FAF1: variants seen among roughly 807,000 people sequenced by gnomAD.
The protein encoded by FAF1 is FAS-associated factor 1.
A neutral mutation model predicts 92.5 loss-of-function variants in FAF1; 25 were observed. That is an observed-to-expected ratio of 0.27 (90% confidence interval 0.20 to 0.38). The LOEUF (loss-of-function observed/expected upper bound fraction) is 0.38, where lower values mean the gene tolerates loss of function less well. Ranked by LOEUF, FAF1 falls within the 10% of genes least tolerant of loss-of-function variation. The pLI, the probability that FAF1 is intolerant of heterozygous loss-of-function variation, is 1.00. For missense variants in FAF1, 636 were observed against 793.3 expected (o/e 0.80, Z 2.38); for synonymous variants, 234 against 273.2 (o/e 0.86, Z 1.42).
rs1646159991 is a variant in FAF1 at position 50,440,900 on chromosome 1, G to A, written c.*540C>T. 6.6e-6 allele frequency: 1 copy of A among 152,188 alleles called. No individual in the cohort carries two copies. The highest frequency in any genetic ancestry group is 1.5e-5 in the Non-Finnish European group (1 of 68,044). The allele number at this position is 152,188 out of a possible 1,614,324, so 9.4% of individuals were successfully genotyped here. A position where few individuals can be genotyped will look rare whatever the true frequency, so the allele number is the denominator to read the frequency against. ...AAACAAAACCTGACATCTTAGTAAAGCCATCAGAAAGTTCTAACAAAAATG... is the reference window on the plus strand; with the variant it reads ...AAACAAAACCTGACATCTTAGTAAAACCATCAGAAAGTTCTAACAAAAATG... On this transcript the variant is annotated 3_prime_UTR_variant, in exon 19 of 19. Coordinates refer to ENST00000396153, the MANE Select transcript of FAF1 (RefSeq NM_007051.3).
intron 7 of FAF1, among the ~76,000 whole-genome samples, chr1:50,696,315 T>G (rs1657223498): frequency 6.6e-6 from 1 of 152,294 alleles, no homozygotes; most frequent in African/African-American, 2.4e-5. Context: ...ATACAGTCTT[T>G]CCTTGTTTTG....
intron 8 of FAF1, among the ~76,000 whole-genome samples, chr1:50,616,951 G>A (rs1380225652): frequency 1.3e-5 from 2 of 152,094 alleles, no homozygotes; most frequent in Non-Finnish European, 2.9e-5. Flanking sequence ...AAAGTGCTAG[G>A]ATTACAGGCA....
At chr1:50,761,476 A>C (rs1660324708) in intron 4 of FAF1, among the ~76,000 whole-genome samples, 1 of 152,148 alleles carries the variant, frequency 6.6e-6, no homozygotes, top group African/African-American at 2.4e-5. Context: ...AGCACATCAA[A>C]AAGCTTATCC....
chr1:50,896,269 A>C (rs1644757094), intron 1 of FAF1, among the ~76,000 whole-genome samples: 1 of 152,116 alleles, frequency 6.6e-6, no homozygotes, highest in Non-Finnish European at 1.5e-5. Context: ...TGGATGATAG[A>C]GTGAGACCCT....
At chr1:50,820,808 T>C (rs1644036310) in intron 2 of FAF1, among the ~76,000 whole-genome samples, 1 of 151,852 alleles carries the variant, frequency 6.6e-6, no homozygotes, top group African/African-American at 2.4e-5. Flanking sequence ...TTCCATTTTG[T>C]ATTTGGCAGG....
At chr1:50,887,331 G>A (rs904099431) in intron 1 of FAF1, among the ~76,000 whole-genome samples, 1 of 152,166 alleles carries the variant, frequency 6.6e-6, no homozygotes, top group Non-Finnish European at 1.5e-5. Flanking sequence ...TAGGTTGCCT[G>A]TTCACTCTGA....
Position 50,950,997 on chromosome 1 carries a change from G to A in FAF1, c.45+8770C>T, listed in dbSNP as rs76961778. On this transcript the variant is annotated intron_variant, in intron 1 of 18. Coordinates refer to ENST00000396153, the MANE Select transcript of FAF1 (RefSeq NM_007051.3). ...TGAAATCCCAGCACTTTGGGAGGCC[G>A]AGGCGGGCAGACCACTTGAGGTCAG... Among the ~76,000 whole-genome samples, 11 of 152,344 alleles carry A rather than the reference G, an allele frequency of 7.2e-5. No homozygotes were observed. In the East Asian group the frequency reaches 9.6e-4, roughly 13 times the overall value.
intron 12 of FAF1, among the ~76,000 whole-genome samples, chr1:50,573,666 TCAGCTACTG>T (rs1214829109): frequency 6.6e-6 from 1 of 151,428 alleles, no homozygotes; most frequent in Non-Finnish European, 1.5e-5. Context: ...AAAGAAAAAG[TCAGCTACTG>T]AAGATGAGGA....
intron 3 of FAF1, among the ~76,000 whole-genome samples, chr1:50,797,568 A>C (rs1282098420): frequency 6.6e-6 from 1 of 152,022 alleles, no homozygotes; most frequent in African/African-American, 2.4e-5. Context: ...GTGTGGTGGC[A>C]AGCGCCTACA....
intron 8 of FAF1, among the ~76,000 whole-genome samples, chr1:50,618,340 C>T (rs539752863): frequency 3.3e-5 from 5 of 151,162 alleles, no homozygotes; most frequent in Non-Finnish European, 7.4e-5. Flanking sequence ...GTAATTTTCG[C>T]TAATACTGGT....
intron 4 of FAF1, among the ~76,000 whole-genome samples, chr1:50,767,233 C>T (rs1039797455): frequency 1.3e-5 from 2 of 152,108 alleles, no homozygotes; most frequent in African/African-American, 4.8e-5. Context: ...AGCTCAAACA[C>T]TGGTTCCCCA....
At chr1:50,564,597 A>T (rs1180379470) in intron 13 of FAF1, among the ~76,000 whole-genome samples, 1 of 152,112 alleles carries the variant, frequency 6.6e-6, no homozygotes, top group African/African-American at 2.4e-5. Flanking sequence ...AGGTTTTGTT[A>T]CTCAAAGTTA....
chr1:50,774,989 C>T (rs1660903807), intron 4 of FAF1, among the ~76,000 whole-genome samples: 2 of 152,192 alleles, frequency 1.3e-5, no homozygotes, highest in East Asian at 1.9e-4. Flanking sequence ...TCTTAGCTGC[C>T]TTTGGGCTCG....
chr1:50,721,307 C>A (rs1658402438), intron 6 of FAF1, among the ~76,000 whole-genome samples: 2 of 152,038 alleles, frequency 1.3e-5, no homozygotes, highest in South Asian at 4.2e-4. Flanking sequence ...CTCCGCCTCC[C>A]AGGTTCAAGC....
Position 50,705,885 on chromosome 1 carries a change from C to CA in FAF1, c.557dup (p.Gln187AlafsTer40), listed in dbSNP as rs1657655812. On this transcript the variant is annotated frameshift_variant, in exon 7 of 19. Transcript: ENST00000396153. LOFTEE classifies it high-confidence loss of function. ...TGAAGTTTTGATTTAATGACTCCTG[C>CA]AGGGCACTGAAAGGGTTGAAAGAAA... 1 of 1,601,904 alleles carries CA rather than the reference C, an allele frequency of 6.2e-7. No homozygotes were observed. The highest frequency in any genetic ancestry group is 8.5e-7 in the Non-Finnish European group (1 of 1,169,818).
intron 1 of FAF1, among the ~76,000 whole-genome samples, chr1:50,912,960 T>G (rs913903279): frequency 6.6e-6 from 1 of 152,214 alleles, no homozygotes; most frequent in African/African-American, 2.4e-5. Context: ...TACATTCAAC[T>G]CAACTAACAG....
chr1:50,917,776 C>T (rs1414561053), intron 1 of FAF1, among the ~76,000 whole-genome samples: 1 of 152,024 alleles, frequency 6.6e-6, no homozygotes, highest in Admixed American at 6.6e-5. Context: ...AGGGTTAAGA[C>T]CTCAGACTAA....
intron 1 of FAF1, among the ~76,000 whole-genome samples, chr1:50,920,031 G>C (rs959924228): frequency 6.6e-6 from 1 of 152,104 alleles, no homozygotes; most frequent in African/African-American, 2.4e-5. Flanking sequence ...GCCAGGCAGT[G>C]GCTCACACCT....
intron 2 of FAF1, among the ~76,000 whole-genome samples, chr1:50,843,178 TA>T (rs1030221058): frequency 7.7e-4 from 118 of 152,312 alleles, no homozygotes; most frequent in African/African-American, 2.8e-3. Context: ...TCACAACTGA[TA>T]TTTTTTTAAT....
Sources: gnomAD v4.1 joint callset for allele counts (sites outside exome capture counted in the v4.1 genomes callset) on GRCh38, gnomAD v4.1.1 for gene constraint, MANE v1.5 for transcripts, NCBI Gene and HGNC (gene_info 2026-07-23, HGNC 2026-07-21) for gene names.